Variants in DZIP3 observed in about 807,000 individuals in gnomAD.
DZIP3 encodes the protein E3 ubiquitin-protein ligase DZIP3.
A neutral mutation model predicts 162.0 loss-of-function variants in DZIP3; 118 were observed. That is an observed-to-expected ratio of 0.73 (90% confidence interval 0.63 to 0.85). The LOEUF is 0.85. Among genes scored for constraint, DZIP3 ranks in the 40% least tolerant of loss-of-function variants. The pLI is 0.00. For synonymous variants in DZIP3, 438 were observed against 458.6 expected, an observed-to-expected ratio of 0.96 and a Z score of 0.57; for missense variants, 1,331 against 1,407.0, an observed-to-expected ratio of 0.95 and a Z score of 0.86.
chr3:108,639,643 C>G (rs9860600), intron 12 of DZIP3, among the ~76,000 whole-genome samples: 2,883 of 151,140 alleles, frequency 0.019, 100 homozygotes, highest in African/African-American at 0.067. Context: ...GCGATGTCAC[C>G]TTTCTCATTC....
intron 21 of DZIP3, among the ~76,000 whole-genome samples, chr3:108,664,211 G>C (rs1478717485): frequency 6.6e-6 from 1 of 152,098 alleles, no homozygotes; most frequent in Admixed American, 6.5e-5. Flanking sequence ...ATAAGCACAG[G>C]GGGAGAAAAG....
chr3:108,593,827 G>T (rs941741621), intron 1 of DZIP3, among the ~76,000 whole-genome samples: 3 of 151,686 alleles, frequency 2.0e-5, no homozygotes, highest in Non-Finnish European at 4.4e-5. Flanking sequence ...GCTATGCCAG[G>T]ATAATTTTTC....
At chr3:108,608,829 G>A (rs1940534948) in intron 3 of DZIP3, among the ~76,000 whole-genome samples, 1 of 152,098 alleles carries the variant, frequency 6.6e-6, no homozygotes, top group African/African-American at 2.4e-5. Flanking sequence ...AAGTGTATTA[G>A]TCTGTTCTCA....
At position 108,690,887 on chromosome 3, in the gene DZIP3, C is replaced by T. The variant is rs1944665725; in HGVS notation, c.3617C>T (p.Pro1206Leu). The change falls in exon 32 of 33, where the codon CCC (proline) becomes CTC (leucine). Residue 1206 changes from proline (P) to leucine (L), a missense_variant. Transcript: ENST00000361582. ...EFPGHPSRQL[P>L]KI is the part of the protein sequence containing the mutation. ...CCTGGTCACCCCAGCCGGCAGTTGC[C>T]CAAGATCTGATACAAGGTCGGGGTG... The T allele has an allele frequency of 1.2e-6, 2 of 1,613,934 alleles. No individual in the cohort carries two copies. Among genetic ancestry groups the T allele is most frequent in the Admixed American group, 3.3e-5 (2 of 60,002 alleles).
chr3:108,631,941 T>C (rs1160075867), intron 8 of DZIP3, among the ~76,000 whole-genome samples: 2 of 152,046 alleles, frequency 1.3e-5, no homozygotes, highest in Non-Finnish European at 2.9e-5. Context: ...TTCAGATGCC[T>C]TGTAGACTAG....
At chr3:108,621,572 G>A (rs1402922133) in intron 5 of DZIP3, among the ~76,000 whole-genome samples, 1 of 152,166 alleles carries the variant, frequency 6.6e-6, no homozygotes, top group East Asian at 1.9e-4. Flanking sequence ...TGCCCACTTA[G>A]GTTAAAATGG....
chr3:108,635,040 C>T, intron 10 of DZIP3, 68 bp downstream of exon 10: 7 of 949,892 alleles, frequency 7.4e-6, no homozygotes, highest in Non-Finnish European at 9.4e-6. Flanking sequence ...TGTTCTCTTC[C>T]CCATCGTTTC....
intron 5 of DZIP3, among the ~76,000 whole-genome samples, chr3:108,621,444 C>A (rs1339944526): frequency 6.6e-6 from 1 of 152,094 alleles, no homozygotes; most frequent in African/African-American, 2.4e-5. Flanking sequence ...TACAACAATC[C>A]ATTTATACTG....
At chr3:108,593,437 G>C (rs1449966124) in intron 1 of DZIP3, among the ~76,000 whole-genome samples, 1 of 141,828 alleles carries the variant, frequency 7.1e-6, no homozygotes, top group Non-Finnish European at 1.5e-5. Context: ...TTATATACCT[G>C]TTCATAAGTG....
chr3:108,657,030 G>T (rs562625649), intron 19 of DZIP3, among the ~76,000 whole-genome samples: 298 of 152,250 alleles, frequency 2.0e-3, no homozygotes, highest in African/African-American at 6.1e-3. Flanking sequence ...AAAGTGATGG[G>T]GAGAATGCAA....
Position 108,631,055 on chromosome 3 carries a change from A to ACACACACACACACACACACACATACACT in DZIP3, c.696+1880_696+1881insACACACACACACACACACACATACACTC. ...CACACACACACACACACACACACAC[A>ACACACACACACACACACACACATACACT]CTCTCTCTCTCTCTCTCTCTCTCTC... is the stretch of plus-strand genomic sequence containing the variant. On this transcript the variant is annotated intron_variant, in intron 8 of 32. Transcript: ENST00000361582. 3.0e-3 allele frequency among the ~76,000 whole-genome samples: 54 copies of ACACACACACACACACACACACATACACT among 18,012 alleles called. 4 individuals are homozygous for ACACACACACACACACACACACATACACT. The highest frequency in any genetic ancestry group is 3.9e-3 in the Non-Finnish European group (44 of 11,168). The allele number at this position is 18,012 out of a possible 152,430, so 11.8% of individuals were successfully genotyped here. A position where few individuals can be genotyped will look rare whatever the true frequency, so the allele number is the denominator to read the frequency against.
At chr3:108,600,042 A>G (rs1028558031) in intron 1 of DZIP3, among the ~76,000 whole-genome samples, 6 of 152,198 alleles carry the variant, frequency 3.9e-5, no homozygotes, top group African/African-American at 1.4e-4. Context: ...GATTCCAAGG[A>G]ACTCCTATCA....
chr3:108,691,392 GAAAAA>G (rs556562130), intron 32 of DZIP3: 1 of 99,120 alleles, frequency 1.0e-5, no homozygotes, highest in South Asian at 3.1e-4. Context: ...AATAATAAAA[GAAAAA>G]AAAAAGAAAG....
chr3:108,648,258 C>T, intron 16 of DZIP3, 146 bp downstream of exon 16: 1 of 676,630 alleles, frequency 1.5e-6, no homozygotes. Flanking sequence ...TGGTCCTTTC[C>T]TTCCTTGCCT....
chr3:108,611,531 T>C (rs1359855880), intron 4 of DZIP3, among the ~76,000 whole-genome samples: 1 of 152,184 alleles, frequency 6.6e-6, no homozygotes, highest in African/African-American at 2.4e-5. Context: ...TGCTAGCCTT[T>C]TAAGAATAAT....
intron 27 of DZIP3, among the ~76,000 whole-genome samples, chr3:108,684,933 G>T (rs1267707171): frequency 6.6e-6 from 1 of 152,150 alleles, no homozygotes; most frequent in Non-Finnish European, 1.5e-5. Flanking sequence ...TAATCTTGGT[G>T]AAGGTTTTTT....
At chr3:108,658,101 G>T (rs990827407) in intron 19 of DZIP3, among the ~76,000 whole-genome samples, 1 of 152,036 alleles carries the variant, frequency 6.6e-6, no homozygotes, top group Non-Finnish European at 1.5e-5. Flanking sequence ...AGTTAACAAG[G>T]ATATCCAGGA....
intron 1 of DZIP3, among the ~76,000 whole-genome samples, chr3:108,592,120 T>C (rs1939457017): frequency 6.6e-6 from 1 of 152,152 alleles, no homozygotes; most frequent in Non-Finnish European, 1.5e-5. Flanking sequence ...TGTTTTTAGA[T>C]TGATTACTCT....
At chr3:108,674,306 G>T in intron 24 of DZIP3, 125 bp downstream of exon 24, 12 of 655,024 alleles carry the variant, frequency 1.8e-5, no homozygotes, top group East Asian at 6.1e-5. Flanking sequence ...AAGCTCTTGT[G>T]GTTTTTTTGG....
Sources: gnomAD v4.1 joint callset for allele counts (sites outside exome capture counted in the v4.1 genomes callset) on GRCh38, gnomAD v4.1.1 for gene constraint, MANE v1.5 for transcripts, NCBI Gene and HGNC (gene_info 2026-07-23, HGNC 2026-07-21) for gene names.